XDH: variants seen among roughly 807,000 people sequenced by gnomAD.
The protein encoded by XDH is xanthine dehydrogenase/oxidase.
Under a neutral mutation model 156.1 loss-of-function variants are expected in XDH, and 138 were observed. The observed-to-expected ratio is 0.88, with a 90% CI of 0.77 to 1.02. The LOEUF is 1.02. XDH is among the 50% of genes least tolerant of loss of function. The pLI is 0.00. For missense variants in XDH, 1,849 were observed against 1,684.9 expected (o/e 1.10, Z -1.71); for synonymous variants, 669 against 625.7 (o/e 1.07, Z -1.03).
intron 13 of XDH, among the ~76,000 whole-genome samples, chr2:31,378,061 A>G (rs1686299446): frequency 4.8e-5 from 1 of 20,966 alleles, no homozygotes; most frequent in Non-Finnish European, 7.9e-5. Context: ...AAAGGAAGAA[A>G]GAAAGAAAGA....
chr2:31,370,939 C>A (rs1686054956), intron 17 of XDH, among the ~76,000 whole-genome samples: 1 of 152,230 alleles, frequency 6.6e-6, no homozygotes, highest in Non-Finnish European at 1.5e-5. Context: ...GAACGAACAG[C>A]ACTTACTCTG....
chr2:31,375,121 G>A (rs1686209469), intron 15 of XDH, among the ~76,000 whole-genome samples: 1 of 145,626 alleles, frequency 6.9e-6, no homozygotes, highest in Non-Finnish European at 1.5e-5. Flanking sequence ...CACCTCCCGA[G>A]TTCAAGTGAT....
intron 16 of XDH, among the ~76,000 whole-genome samples, chr2:31,373,328 C>T (rs1345378239): frequency 6.6e-6 from 1 of 152,182 alleles, no homozygotes; most frequent in African/African-American, 2.4e-5. Context: ...CAACACAAGC[C>T]CACTGCCTGT....
intron 31 of XDH, among the ~76,000 whole-genome samples, chr2:31,342,831 G>T (rs1685162949): frequency 6.6e-6 from 1 of 152,140 alleles, no homozygotes; most frequent in Non-Finnish European, 1.5e-5. Flanking sequence ...TTCAACAAAT[G>T]ATTTGAGGGA....
At chr2:31,381,196 A>G (rs1686428894) in intron 12 of XDH, among the ~76,000 whole-genome samples, 1 of 152,066 alleles carries the variant, frequency 6.6e-6, no homozygotes, top group Non-Finnish European at 1.5e-5. Flanking sequence ...GGGTTTCACC[A>G]TGTTGGCCAG....
Position 31,380,541 on chromosome 2 carries a change from C to T in XDH, c.1133-565G>A, listed in dbSNP as rs149014413. ...GATGAGCTCCCAAGAAAACCTCTGT[C>T]GCTGAGCCTCTAACAAGCTTTCCTG... On this transcript the variant is annotated intron_variant, in intron 12 of 35. Transcript: ENST00000379416. Among the ~76,000 whole-genome samples the T allele has an allele frequency of 2.3e-3, 346 of 152,314 alleles. 2 individuals are homozygous for T. Among genetic ancestry groups the T allele is most frequent in the African/African-American group, 7.6e-3 (317 of 41,568 alleles).
chr2:31,370,773 G>A (rs1410286717), intron 17 of XDH, among the ~76,000 whole-genome samples: 2 of 152,180 alleles, frequency 1.3e-5, no homozygotes, highest in Non-Finnish European at 2.9e-5. Flanking sequence ...GTCAAGGTGG[G>A]AGGATCACTT....
chr2:31,341,539 A>C (rs1468379357), intron 32 of XDH, 145 bp from the exon 33 acceptor site: 3 of 864,268 alleles, frequency 3.5e-6, no homozygotes, highest in Non-Finnish European at 5.7e-6. Flanking sequence ...CTCAGGCAGA[A>C]GTGTTGATGT....
At chr2:31,364,089 T>G in intron 24 of XDH, 69 bp downstream of exon 24, 1 of 1,495,480 alleles carries the variant, frequency 6.7e-7, no homozygotes, top group Admixed American at 1.7e-5. Context: ...GGGAGGCCTG[T>G]GCCTGCGTGG....
At chr2:31,365,635 C>A in intron 22 of XDH, 91 bp from the exon 23 acceptor site, 1 of 1,455,438 alleles carries the variant, frequency 6.9e-7, no homozygotes, top group East Asian at 2.3e-5. Flanking sequence ...GGGAAGCCAT[C>A]TTTTCCACCT....
chr2:31,349,753 A>T lies in XDH; in HGVS notation c.2902T>A (p.Cys968Ser). The T allele has an allele frequency of 6.2e-7, 1 of 1,614,212 alleles. No individual in the cohort carries two copies. Among genetic ancestry groups the T allele is most frequent in the East Asian group, 2.2e-5 (1 of 44,870 alleles). Residue 968 changes from cysteine (C) to serine (S), a missense_variant, in exon 26 of 36, where the codon TGC becomes AGC. Coordinates refer to ENST00000379416, the MANE Select transcript of XDH (RefSeq NM_000379.4). ...QKLEGFTLPRCWEECLASSQY... is the reference protein window; with the variant it reads ...QKLEGFTLPRSWEECLASSQY... Reference sequence around the variant, plus strand: ...GAGCTTGCTAGGCATTCTTCCCAGCATCTGGGCAAGGTGAAACCCTCAAGC... The same window carrying T: ...GAGCTTGCTAGGCATTCTTCCCAGCTTCTGGGCAAGGTGAAACCCTCAAGC...
chr2:31,337,786 G>C lies in XDH; in HGVS notation c.3806C>G (p.Ala1269Gly). ...ATCTTTGATGGCAAAGAAGATAGAA[G>C]CAGCCAGGAAGAGGGGCGGCTCTCC... ...AVGEPPLFLA[A>G]SIFFAIKDAI... Residue 1269 changes from alanine to glycine, a missense_variant, in exon 35 of 36, where the codon GCT becomes GGT. By Grantham distance (60) the Ala-to-Gly change is moderately conservative. Transcript: ENST00000379416. 1 of 1,614,200 alleles carries C rather than the reference G, an allele frequency of 6.2e-7. No homozygotes were observed. The highest frequency in any genetic ancestry group is 1.3e-5 in the African/African-American group (1 of 75,050).
Position 31,405,898 on chromosome 2 carries a change from T to C in XDH, c.100+9A>G. On this transcript the variant is annotated intron_variant, in intron 2 of 35. Coordinates refer to ENST00000379416, the MANE Select transcript of XDH (RefSeq NM_000379.4). ...CTTCTCCGTCACTCCCACTCCAAAG[T>C]CAGGATACACTTTCTTCTCAGGTAG... 2 of 1,614,120 alleles carry C rather than the reference T, an allele frequency of 1.2e-6. No homozygotes were observed. Among genetic ancestry groups the C allele is most frequent in the Non-Finnish European group, 1.7e-6 (2 of 1,179,994 alleles).
intron 35 of XDH, 38 bp downstream of exon 35, chr2:31,337,603 C>G (rs372600100): frequency 1.2e-6 from 2 of 1,613,036 alleles, no homozygotes; most frequent in Non-Finnish European, 1.7e-6. Flanking sequence ...TATCCCTGGC[C>G]TCCCCTGGAC....
intron 35 of XDH, among the ~76,000 whole-genome samples, chr2:31,336,368 C>T (rs928753774): frequency 3.9e-5 from 6 of 152,084 alleles, no homozygotes; most frequent in South Asian, 2.1e-4. Flanking sequence ...AACATAGAAA[C>T]GGATCTTTGT....
chr2:31,408,065 C>T (rs1365509962), intron 1 of XDH, among the ~76,000 whole-genome samples: 1 of 152,154 alleles, frequency 6.6e-6, no homozygotes, highest in Non-Finnish European at 1.5e-5. Flanking sequence ...CATGACCACC[C>T]ACATATTCAA....
At chr2:31,352,671 C>T (rs754754614) in intron 24 of XDH, among the ~76,000 whole-genome samples, 2 of 152,164 alleles carry the variant, frequency 1.3e-5, no homozygotes, top group Non-Finnish European at 2.9e-5. Context: ...GGGACAAAGA[C>T]TGTATGTTTT....
chr2:31,342,327 T>C, intron 31 of XDH, 30 bp from the exon 32 acceptor site: 1 of 1,574,188 alleles, frequency 6.4e-7, no homozygotes, highest in Non-Finnish European at 8.7e-7. Flanking sequence ...GTACTGCACA[T>C]GTATTAACAT....
intron 31 of XDH, among the ~76,000 whole-genome samples, 183 bp from the exon 32 acceptor site, chr2:31,342,480 A>G (rs1395341957): frequency 1.3e-5 from 2 of 152,152 alleles, no homozygotes; most frequent in African/African-American, 4.8e-5. Flanking sequence ...ATTCCAGAAC[A>G]TTTTGTCTCT....
Sources: allele counts gnomAD v4.1 joint callset (sites outside exome capture counted in the v4.1 genomes callset), GRCh38; gene constraint gnomAD v4.1.1; transcripts MANE v1.5; gene names NCBI Gene and HGNC (gene_info 2026-07-23, HGNC 2026-07-21).